MED12L: variants seen among roughly 807,000 people sequenced by gnomAD.
The protein encoded by MED12L is mediator of RNA polymerase II transcription subunit 12-like protein.
MED12L carries 60 observed loss-of-function variants against 281.3 expected under a neutral mutation model. That is an observed-to-expected ratio of 0.21 (90% CI 0.17 to 0.26). MED12L has a LOEUF of 0.26. Among genes scored for constraint, MED12L ranks in the 10% least tolerant of loss-of-function variants. The pLI is 1.00. For missense variants in MED12L, 2,146 were observed against 2,680.9 expected (o/e 0.80, Z 4.41); for synonymous variants, 974 against 987.2 (o/e 0.99, Z 0.25).
chr3:151,400,369 A>G (rs933479324), intron 39 of MED12L, among the ~76,000 whole-genome samples: 1 of 152,208 alleles, frequency 6.6e-6, no homozygotes, highest in Admixed American at 6.5e-5. Flanking sequence ...GATTCAGACA[A>G]ATTGGTTAAA....
chr3:151,210,843 G>T (rs1027528472), intron 16 of MED12L, among the ~76,000 whole-genome samples: 1 of 152,260 alleles, frequency 6.6e-6, no homozygotes, highest in Non-Finnish European at 1.5e-5. Context: ...CTCTGAGGCA[G>T]AGGCTCTCAG....
rs748218918 is a variant in MED12L, at chr3:151,360,501, A to C, written c.2853A>C (p.Val951=). 2.6e-5 allele frequency: 42 copies of C among 1,612,754 alleles called. No homozygotes were observed. Among genetic ancestry groups the C allele is most frequent in the Middle Eastern group, 1.6e-4 (1 of 6,070 alleles). ...TGTGTGGTGTGGTCAAGCATGTCGT[A>C]AACCCCTCAGAATGTTCTTCCCCTG... ...EGLCGVVKHV[V]NPSECSSPER... The change falls in exon 21 of 45, where the codon GTA becomes GTC. Residue 951 remains valine, a synonymous_variant. Transcript: ENST00000687756.
At chr3:151,135,215 C>T (rs991738820) in intron 5 of MED12L, among the ~76,000 whole-genome samples, 1 of 152,120 alleles carries the variant, frequency 6.6e-6, no homozygotes, top group East Asian at 1.9e-4. Flanking sequence ...CGAGGTTTCA[C>T]CATGTTGGCC....
intron 39 of MED12L, among the ~76,000 whole-genome samples, chr3:151,406,151 T>A (rs1716274546): frequency 6.6e-6 from 1 of 152,218 alleles, no homozygotes; most frequent in African/African-American, 2.4e-5. Flanking sequence ...GATGACATGT[T>A]AGATAGTCTG....
chr3:151,295,130 T>G, intron 16 of MED12L: 1 of 1,613,618 alleles, frequency 6.2e-7, no homozygotes, highest in Middle Eastern at 1.6e-4. Context: ...TGTGTCAAAT[T>G]CATTGTGAAG....
At chr3:151,282,327 T>A (rs1258405919) in intron 16 of MED12L, among the ~76,000 whole-genome samples, 1 of 151,880 alleles carries the variant, frequency 6.6e-6, no homozygotes, top group East Asian at 1.9e-4. Flanking sequence ...ATAGCAGATA[T>A]TTGCTGGGTT....
rs147294855 is a variant in MED12L, at chr3:151,413,205, T to C, written c.6207T>C (p.Ser2069=). 3 of 1,614,072 alleles carry C rather than the reference T, an allele frequency of 1.9e-6. No homozygotes were observed. The highest frequency in any genetic ancestry group is 1.3e-5 in the African/African-American group (1 of 74,936). Residue 2069 remains serine (S), a synonymous_variant, in exon 42 of 45, where the codon TCT becomes TCC. Coordinates refer to ENST00000687756, the MANE Select transcript of MED12L (RefSeq NM_001393769.1). ...VGGGIDAVLT[S]AHPNLPSVPL... ...GGGGAATTGATGCTGTGCTGACTTC[T>C]GCACATCCAAACCTTCCCTCCGTGC...
chr3:151,365,312 C>G (rs1755144966), intron 22 of MED12L, 106 bp downstream of exon 22: 1 of 908,482 alleles, frequency 1.1e-6, no homozygotes. Flanking sequence ...ATTTGGCTAT[C>G]ATTTGCTTTT....
At chr3:151,379,806 C>A (rs1711915977) in intron 31 of MED12L, among the ~76,000 whole-genome samples, 1 of 152,094 alleles carries the variant, frequency 6.6e-6, no homozygotes, top group South Asian at 2.1e-4. Context: ...TTTTTAAATT[C>A]TGCATATTGA....
intron 35 of MED12L, 90 bp downstream of exon 35, chr3:151,384,308 T>C (rs535797788): frequency 3.1e-6 from 4 of 1,277,130 alleles, no homozygotes; most frequent in African/African-American, 3.0e-5. Context: ...TTAAATGTTA[T>C]TAATTGTATT....
chr3:151,278,843 C>G (rs970632147), intron 16 of MED12L, among the ~76,000 whole-genome samples: 1 of 152,172 alleles, frequency 6.6e-6, no homozygotes, highest in Non-Finnish European at 1.5e-5. Context: ...TATTTTGACA[C>G]CAATGTCGAC....
intron 16 of MED12L, among the ~76,000 whole-genome samples, chr3:151,345,737 C>T (rs772734788): frequency 2.1e-4 from 32 of 151,912 alleles, no homozygotes; most frequent in Non-Finnish European, 3.7e-4. Context: ...AGGCTGGTCT[C>T]GAACTCATGA....
chr3:151,160,950 A>G (rs1309212783), intron 8 of MED12L, among the ~76,000 whole-genome samples: 1 of 152,254 alleles, frequency 6.6e-6, no homozygotes, highest in Non-Finnish European at 1.5e-5. Context: ...CAGGGGAAAC[A>G]CTATGGGAAG....
chr3:151,387,718 A>G (rs902132901), intron 36 of MED12L, 92 bp from the exon 37 acceptor site: 4 of 1,471,438 alleles, frequency 2.7e-6, no homozygotes, highest in South Asian at 2.8e-5. Context: ...ATGCCAGCCA[A>G]AGTGTTCTCT....
intron 9 of MED12L, among the ~76,000 whole-genome samples, chr3:151,164,773 G>A (rs1365794551): frequency 3.3e-5 from 5 of 151,688 alleles, no homozygotes; most frequent in Non-Finnish European, 7.4e-5. Context: ...AACACCGCAT[G>A]TTCTCACTCA....
At chr3:151,314,820 TC>T (rs1748025063) in intron 16 of MED12L, among the ~76,000 whole-genome samples, 1 of 152,200 alleles carries the variant, frequency 6.6e-6, no homozygotes, top group Admixed American at 6.5e-5. Context: ...GACCCTCTGA[TC>T]TAATCCCTTC....
chr3:151,181,839 C>T (rs1349020749), intron 11 of MED12L, among the ~76,000 whole-genome samples: 1 of 151,956 alleles, frequency 6.6e-6, no homozygotes, highest in Non-Finnish European at 1.5e-5. Flanking sequence ...GCCTCCTTTG[C>T]CTCCTGAAGT....
In MED12L at chr3:151,192,436, A is replaced by G. The variant is rs878913903; in HGVS notation, c.1969-114A>G. ...CCTTCAATTTGCGGGGAAGAAAACAATACGGGGAACAAAAGACAGAGATGG... is the reference window on the plus strand; with the variant it reads ...CCTTCAATTTGCGGGGAAGAAAACAGTACGGGGAACAAAAGACAGAGATGG... On this transcript the variant is annotated intron_variant, in intron 14 of 44. Coordinates refer to ENST00000687756, the MANE Select transcript of MED12L (RefSeq NM_001393769.1). 1.8e-5 allele frequency: 14 copies of G among 769,190 alleles called. No homozygotes were observed. In the South Asian group the frequency reaches 2.1e-4, roughly 12 times the overall value. The allele number at this position is 769,190 out of a possible 1,614,324, so 47.6% of individuals were successfully genotyped here. A position where few individuals can be genotyped will look rare whatever the true frequency, so the allele number is the denominator to read the frequency against.
chr3:151,334,469 A>T (rs1750736294), intron 16 of MED12L, among the ~76,000 whole-genome samples: 1 of 150,904 alleles, frequency 6.6e-6, no homozygotes, highest in African/African-American at 2.4e-5. Context: ...TTTTTAAAGT[A>T]CTGGTCCAGG....
Sources: gnomAD v4.1 joint callset for allele counts (sites outside exome capture counted in the v4.1 genomes callset) on GRCh38, gnomAD v4.1.1 for gene constraint, MANE v1.5 for transcripts, NCBI Gene and HGNC (gene_info 2026-07-23, HGNC 2026-07-21) for gene names.